Variants in LOC128125817 observed in about 807,000 individuals in gnomAD.
At chr1:41,613,932 G>T in the LOC128125817 span, among the ~76,000 whole-genome samples, 9 of 152,178 alleles carry the variant, frequency 5.9e-5, no homozygotes, top group Non-Finnish European at 1.5e-5. Flanking sequence ...TTTGTGTCTG[G>T]CTTCTTTCAC....
the LOC128125817 span, among the ~76,000 whole-genome samples, chr1:41,617,817 G>A: frequency 4.6e-5 from 7 of 152,226 alleles, no homozygotes; most frequent in Non-Finnish European, 8.8e-5. Context: ...ATAAGAAACT[G>A]GAGTTCACTC....
At chr1:41,594,419 C>T in the LOC128125817 span, among the ~76,000 whole-genome samples, 1 of 152,038 alleles carries the variant, frequency 6.6e-6, no homozygotes, top group East Asian at 1.9e-4. Context: ...GATGGGGTTT[C>T]ACCATGGCGG....
At chr1:41,624,164 T>C in the LOC128125817 span, among the ~76,000 whole-genome samples, 1 of 151,762 alleles carries the variant, frequency 6.6e-6, no homozygotes, top group Non-Finnish European at 1.5e-5. Flanking sequence ...CCTCCCCATC[T>C]CTCCTCCTTC....
the LOC128125817 span, among the ~76,000 whole-genome samples, chr1:41,606,980 CT>C: frequency 1.5e-3 from 227 of 148,358 alleles, 1 homozygote; most frequent in East Asian, 0.017. Context: ...GTGTGTGTTT[CT>C]TTTTTTTTTA....
At chr1:41,600,559 G>T in the LOC128125817 span, among the ~76,000 whole-genome samples, 1 of 152,172 alleles carries the variant, frequency 6.6e-6, no homozygotes, top group African/African-American at 2.4e-5. Flanking sequence ...CTGTGGGAAT[G>T]GGGGGCTGTT....
At chr1:41,601,043 C>G in the LOC128125817 span, among the ~76,000 whole-genome samples, 1 of 152,080 alleles carries the variant, frequency 6.6e-6, no homozygotes, top group Non-Finnish European at 1.5e-5. Flanking sequence ...TTCTTGGCAC[C>G]CGTGTTGAAG....
the LOC128125817 span, among the ~76,000 whole-genome samples, chr1:41,608,702 A>G: frequency 1.3e-5 from 2 of 152,144 alleles, no homozygotes; most frequent in Admixed American, 6.5e-5. Context: ...CTATCTTCCT[A>G]AGATTTAGGA....
At chr1:41,602,598 T>C in the LOC128125817 span, among the ~76,000 whole-genome samples, 1 of 152,114 alleles carries the variant, frequency 6.6e-6, no homozygotes, top group Non-Finnish European at 1.5e-5. Context: ...CTTTAATTTA[T>C]AATTTTATTT....
chr1:41,592,283 G>A, the LOC128125817 span, among the ~76,000 whole-genome samples: 2 of 152,210 alleles, frequency 1.3e-5, no homozygotes, highest in Admixed American at 1.3e-4. Context: ...GTGACCCTAG[G>A]TAAGGCACTT....
the LOC128125817 span, among the ~76,000 whole-genome samples, chr1:41,598,336 T>A: frequency 2.0e-5 from 3 of 152,246 alleles, no homozygotes; most frequent in Admixed American, 6.5e-5. Context: ...AAGGCACACC[T>A]ACCTACAAGC....
At chr1:41,616,843 A>G in the LOC128125817 span, among the ~76,000 whole-genome samples, 2 of 152,196 alleles carry the variant, frequency 1.3e-5, no homozygotes, top group African/African-American at 4.8e-5. Flanking sequence ...CTACAGGCCA[A>G]TAGGTTGTGA....
At chr1:41,600,279 C>T in the LOC128125817 span, among the ~76,000 whole-genome samples, 7 of 152,278 alleles carry the variant, frequency 4.6e-5, no homozygotes, top group South Asian at 2.1e-4. Context: ...ATGTTCATAG[C>T]GGCATGATTT....
the LOC128125817 span, among the ~76,000 whole-genome samples, chr1:41,600,184 A>C: frequency 6.6e-5 from 10 of 152,362 alleles, no homozygotes; most frequent in Non-Finnish European, 1.0e-4. Context: ...AAAAAATAGA[A>C]TTACCATCTA....
chr1:41,610,845 T>C, the LOC128125817 span, among the ~76,000 whole-genome samples: 1 of 152,232 alleles, frequency 6.6e-6, no homozygotes, highest in East Asian at 1.9e-4. Context: ...ATGTACTGTT[T>C]GTGTGCCTGA....
chr1:41,619,342 C>T, the LOC128125817 span, among the ~76,000 whole-genome samples: 2 of 152,238 alleles, frequency 1.3e-5, no homozygotes, highest in African/African-American at 4.8e-5. Context: ...TCCTGACTGC[C>T]ACCTTGTCAC....
the LOC128125817 span, among the ~76,000 whole-genome samples, chr1:41,619,110 C>A: frequency 6.6e-6 from 1 of 152,068 alleles, no homozygotes; most frequent in African/African-American, 2.4e-5. Context: ...GCCTGCCTCT[C>A]CCTTCCAGCC....
the LOC128125817 span, among the ~76,000 whole-genome samples, chr1:41,589,364 C>T: frequency 6.6e-6 from 1 of 152,246 alleles, no homozygotes; most frequent in Non-Finnish European, 1.5e-5. Context: ...CTTCAAGAAG[C>T]TTCCTTTGGT....
chr1:41,618,193 G>A, the LOC128125817 span, among the ~76,000 whole-genome samples: 4 of 152,338 alleles, frequency 2.6e-5, no homozygotes, highest in South Asian at 4.1e-4. Flanking sequence ...GTTCCGCTGC[G>A]GGATGGTGCC....
At chr1:41,625,536 A>G in the LOC128125817 span, among the ~76,000 whole-genome samples, 1 of 152,238 alleles carries the variant, frequency 6.6e-6, no homozygotes, top group African/African-American at 2.4e-5. Flanking sequence ...CGCTAATAAC[A>G]TAATAAATAT....
Sources: gnomAD v4.1 joint callset for allele counts (sites outside exome capture counted in the v4.1 genomes callset) on GRCh38, gnomAD v4.1.1 for gene constraint, MANE v1.5 for transcripts.